DCC: variants seen among roughly 807,000 people sequenced by gnomAD.
DCC encodes netrin receptor DCC.
Under a neutral mutation model 172.5 loss-of-function variants are expected in DCC, and 58 were observed. That is an observed-to-expected ratio of 0.34 (90% confidence interval 0.27 to 0.42). The LOEUF (loss-of-function observed/expected upper bound fraction) is 0.42. Ranked by LOEUF, DCC falls within the 10% of genes least tolerant of loss-of-function variation. The pLI is 1.00. For missense variants in DCC, 1,740 were observed against 1,791.0 expected (o/e 0.97, Z 0.51); for synonymous variants, 709 against 644.5 (o/e 1.10, Z -1.52).
chr18:52,865,818 A>G (rs2039218605), intron 2 of DCC, among the ~76,000 whole-genome samples: 1 of 152,044 alleles, frequency 6.6e-6, no homozygotes, highest in African/African-American at 2.4e-5. Flanking sequence ...AACAGAGACA[A>G]CTTGGCTTCC....
intron 7 of DCC, among the ~76,000 whole-genome samples, chr18:53,131,569 C>G (rs568204469): frequency 6.6e-6 from 1 of 151,990 alleles, no homozygotes; most frequent in Non-Finnish European, 1.5e-5. Context: ...GGTTGATGTG[C>G]GGGATCACAG....
At chr18:52,579,253 T>A (rs1436054881) in intron 1 of DCC, among the ~76,000 whole-genome samples, 1 of 152,146 alleles carries the variant, frequency 6.6e-6, no homozygotes, top group African/African-American at 2.4e-5. Context: ...ATTATTTGAG[T>A]CATTATTTTT....
At chr18:52,819,037 G>T (rs1487362389) in intron 2 of DCC, among the ~76,000 whole-genome samples, 1 of 152,166 alleles carries the variant, frequency 6.6e-6, no homozygotes, top group African/African-American at 2.4e-5. Context: ...AACTGGAGGG[G>T]TTACAAAAGA....
chr18:52,507,897 T>C lies in DCC; in HGVS notation c.91+167019T>C, dbSNP rs111461582. ...AGGTGGATCACCTGAGGTCAGGAGT[T>C]CAAGACCAGCCTGACCAATATGGTG... On this transcript the variant is annotated intron_variant, in intron 1 of 28. Coordinates refer to ENST00000442544, the MANE Select transcript of DCC (RefSeq NM_005215.4). 2.7e-4 allele frequency among the ~76,000 whole-genome samples: 41 copies of C among 152,200 alleles called. 1 individual carries two copies. The highest frequency in any genetic ancestry group is 9.2e-4 in the African/African-American group (38 of 41,530).
At chr18:52,464,984 T>C (rs987477239) in intron 1 of DCC, among the ~76,000 whole-genome samples, 25 of 152,080 alleles carry the variant, frequency 1.6e-4, no homozygotes, top group Non-Finnish European at 2.9e-5. Flanking sequence ...AGACCAAAGA[T>C]ATTTGGTCTG....
chr18:52,513,090 G>A (rs2031499431), intron 1 of DCC, among the ~76,000 whole-genome samples: 1 of 152,066 alleles, frequency 6.6e-6, no homozygotes, highest in Admixed American at 6.6e-5. Context: ...AACTATAGGT[G>A]GAACAAGATG....
At chr18:52,669,850 C>CA (rs558152672) in intron 1 of DCC, among the ~76,000 whole-genome samples, 1 of 148,122 alleles carries the variant, frequency 6.8e-6, no homozygotes, top group Non-Finnish European at 1.5e-5. Flanking sequence ...TTTGAAAAAA[C>CA]AAAACAAAAC....
At chr18:52,956,625 C>T (rs76103406) in intron 5 of DCC, among the ~76,000 whole-genome samples, 2 of 151,900 alleles carry the variant, frequency 1.3e-5, no homozygotes, top group East Asian at 1.9e-4. Context: ...TTGTTGATAG[C>T]CACAAAGTAA....
chr18:52,575,674 G>A (rs912063424), intron 1 of DCC, among the ~76,000 whole-genome samples: 7 of 152,070 alleles, frequency 4.6e-5, no homozygotes, highest in Non-Finnish European at 7.3e-5. Context: ...AATAGTAAGT[G>A]CCTTTGAAAA....
At chr18:52,960,113 CA>C (rs1440757051) in intron 5 of DCC, among the ~76,000 whole-genome samples, 1 of 152,016 alleles carries the variant, frequency 6.6e-6, no homozygotes, top group African/African-American at 2.4e-5. Context: ...CGCACACACA[CA>C]ATATAGCTAC....
rs564697904 is a variant in DCC, at chr18:53,258,703, G to A, written c.1911+43106G>A. ...TGTATATTCTGTTGATTTGGGGTAC[G>A]GAGTTCTGTAGATGTCTATTAGGTC... On this transcript the variant is annotated intron_variant, in intron 12 of 28. Coordinates refer to ENST00000442544, the MANE Select transcript of DCC (RefSeq NM_005215.4). 9.8e-4 allele frequency among the ~76,000 whole-genome samples: 149 copies of A among 152,162 alleles called. 2 individuals are homozygous for A. The highest frequency in any genetic ancestry group is 1.0e-3 in the Admixed American group (16 of 15,278).
rs555168982 is a variant in DCC, at chr18:52,656,479, G to A, written c.92-95575G>A. Among the ~76,000 whole-genome samples, 13 of 152,174 alleles carry A rather than the reference G, an allele frequency of 8.5e-5. No homozygotes were observed. The East Asian group carries it at 1.5e-3, about 18-fold the overall frequency. ...TTGTTTATAAGCCACTCAGTCTATG[G>A]TATCTTGTTATAACCCAAATGGACT... On this transcript the variant is annotated intron_variant, in intron 1 of 28. Transcript: ENST00000442544.
chr18:52,880,780 G>A (rs1258418841), intron 2 of DCC, among the ~76,000 whole-genome samples: 1 of 152,144 alleles, frequency 6.6e-6, no homozygotes, highest in East Asian at 1.9e-4. Flanking sequence ...CACTCAAGTT[G>A]CTTCCAAATC....
intron 12 of DCC, among the ~76,000 whole-genome samples, chr18:53,296,196 C>T (rs532693201): frequency 1.3e-5 from 2 of 152,214 alleles, no homozygotes; most frequent in African/African-American, 4.8e-5. Context: ...TTCCTTCCTT[C>T]CTGCTGTTTT....
chr18:53,271,314 T>C (rs977551725), intron 12 of DCC, among the ~76,000 whole-genome samples: 1 of 152,192 alleles, frequency 6.6e-6, no homozygotes, highest in Admixed American at 6.5e-5. Flanking sequence ...GTAATACTTA[T>C]CTATTATTGC....
At chr18:52,687,208 T>A (rs1229961287) in intron 1 of DCC, among the ~76,000 whole-genome samples, 1 of 152,090 alleles carries the variant, frequency 6.6e-6, no homozygotes, top group Non-Finnish European at 1.5e-5. Flanking sequence ...GGATACATCT[T>A]GAATCACTCT....
intron 15 of DCC, among the ~76,000 whole-genome samples, chr18:53,357,265 A>G (rs1418733469): frequency 2.0e-5 from 3 of 152,156 alleles, no homozygotes; most frequent in Non-Finnish European, 4.4e-5. Flanking sequence ...GTATTTTTAG[A>G]GGGTAAATTT....
chr18:52,416,955 T>G (rs1422986325), intron 1 of DCC, among the ~76,000 whole-genome samples: 1 of 152,170 alleles, frequency 6.6e-6, no homozygotes, highest in African/African-American at 2.4e-5. Context: ...TTGATGCAGT[T>G]TCTTCCTAGC....
intron 2 of DCC, among the ~76,000 whole-genome samples, chr18:52,850,003 A>G (rs908141590): frequency 4.6e-5 from 7 of 152,322 alleles, no homozygotes; most frequent in Middle Eastern, 3.4e-3. Context: ...AAGCAAAGAG[A>G]ACTAGAGGTT....
Sources: gnomAD v4.1 joint callset for allele counts (sites outside exome capture counted in the v4.1 genomes callset) on GRCh38, gnomAD v4.1.1 for gene constraint, MANE v1.5 for transcripts, NCBI Gene and HGNC (gene_info 2026-07-23, HGNC 2026-07-21) for gene names.